DRP2: variants seen among roughly 807,000 people sequenced by gnomAD.
DRP2 encodes the protein dystrophin-related protein 2.
DRP2 carries 29 observed loss-of-function variants against 78.2 expected under a neutral mutation model. The observed-to-expected ratio is 0.37, with a 90% CI of 0.28 to 0.51. The LOEUF is 0.51. DRP2 is among the 20% of genes least tolerant of loss of function. DRP2 has a pLI of 0.94. For missense variants in DRP2, 686 were observed against 770.6 expected (o/e 0.89, Z 1.30); for synonymous variants, 290 against 281.9 (o/e 1.03, Z -0.29).
intron 6 of DRP2, among the ~76,000 whole-genome samples, chrX:101,240,477 C>T (rs1413673739): frequency 8.9e-6 from 1 of 112,661 alleles, no homozygotes; most frequent in African/African-American, 3.2e-5. Flanking sequence ...CTCAAGTGAT[C>T]GGCCTGCTTG....
intron 3 of DRP2, 94 bp downstream of exon 3, chrX:101,231,858 C>T: frequency 1.4e-6 from 1 of 733,170 alleles, no homozygotes; most frequent in East Asian, 3.2e-5. Context: ...GGCTCAGGGG[C>T]ACTCTCTGTA....
chrX:101,246,968 G>C (rs907966817), intron 11 of DRP2, 122 bp from the exon 12 acceptor site: 1 of 529,830 alleles, frequency 1.9e-6, no homozygotes, highest in South Asian at 3.4e-5. Flanking sequence ...CCCCACTCTT[G>C]TTGACACTTG....
In DRP2 at chrX:101,239,057, A is replaced by G; in HGVS notation, c.515A>G (p.Gln172Arg). ...VLESAQAFLSQHPFEELEEPH... is the reference protein window; with the variant it reads ...VLESAQAFLSRHPFEELEEPH... ...GAGTCAGCTCAGGCCTTCCTGTCCC[A>G]GCACCCATTTGAGGAGTTAGAGGAG... Residue 172 changes from glutamine (Q) to arginine (R), a missense_variant, in exon 6 of 24, where the codon CAG becomes CGG. Physicochemically the swap from Gln to Arg is conservative, Grantham distance 43. Around this residue, in one of 2 missense-constraint regions of DRP2, gnomAD observed 263 missense variants for 239.1 expected, o/e 1.10. Transcript: ENST00000395209. 3 of 1,211,435 alleles carry G rather than the reference A, an allele frequency of 2.5e-6. No individual in the cohort carries two copies. The highest frequency in any genetic ancestry group is 3.4e-6 in the Non-Finnish European group (3 of 895,342).
intron 1 of DRP2, among the ~76,000 whole-genome samples, chrX:101,224,207 T>TGTTTG (rs1569507520): frequency 2.4e-4 from 16 of 66,361 alleles, no homozygotes; most frequent in African/African-American, 8.6e-4. Flanking sequence ...TTTTTTTTTT[T>TGTTTG]TTTTTTTTTT....
chrX:101,243,201 C>T (rs1205144623), intron 9 of DRP2: 10 of 257,760 alleles, frequency 3.9e-5, no homozygotes, highest in South Asian at 1.1e-4. Flanking sequence ...CTGAGGTGGG[C>T]GGATCACCTG....
intron 2 of DRP2, among the ~76,000 whole-genome samples, chrX:101,231,335 C>T (rs1251154936): frequency 4.5e-5 from 5 of 111,999 alleles, no homozygotes; most frequent in African/African-American, 1.6e-4. Flanking sequence ...CCATCTTGCC[C>T]ACCTCCACCC....
At chrX:101,260,317 T>A in intron 23 of DRP2, 148 bp downstream of exon 23, 2 of 949,222 alleles carry the variant, frequency 2.1e-6, no homozygotes, top group Admixed American at 3.0e-5. Context: ...GATTGATTAA[T>A]TCATATGCTT....
chrX:101,229,518 A>G (rs971800284), intron 2 of DRP2, among the ~76,000 whole-genome samples: 5 of 111,905 alleles, frequency 4.5e-5, no homozygotes, highest in Non-Finnish European at 9.4e-5. Context: ...ATATCTTTAA[A>G]TGCATAAATG....
intron 18 of DRP2, 145 bp from the exon 19 acceptor site, chrX:101,254,714 T>C (rs950135111): frequency 1.9e-6 from 2 of 1,044,772 alleles, no homozygotes; most frequent in Admixed American, 4.7e-5. Flanking sequence ...ACCTGCACTC[T>C]GGCCTGAGAA....
chrX:101,248,557 A>G lies in DRP2; in HGVS notation c.1498A>G (p.Ile500Val), dbSNP rs147935188. ...KMRALSFKTGIACLCGTEVKE... is the reference protein window; with the variant it reads ...KMRALSFKTGVACLCGTEVKE... ...GCGGGCATTGTCTTTTAAGACTGGC[A>G]TTGCATGCTTGTGTGGCACGGAAGT... The change falls in exon 14 of 24, where the codon ATT (isoleucine) becomes GTT (valine). Residue 500 changes from isoleucine (I) to valine (V), a missense_variant. Ile to Val is a conservative substitution (Grantham distance 29, BLOSUM62 3). Coordinates refer to ENST00000395209, the MANE Select transcript of DRP2 (RefSeq NM_001939.3). The G allele has an allele frequency of 4.1e-6, 5 of 1,212,169 alleles. No homozygotes were observed. Among genetic ancestry groups the G allele is most frequent in the Non-Finnish European group, 5.6e-6 (5 of 895,563 alleles).
chrX:101,256,088 A>G, intron 20 of DRP2, 30 bp from the exon 21 acceptor site: 2 of 1,138,121 alleles, frequency 1.8e-6, no homozygotes, highest in Non-Finnish European at 2.3e-6. Flanking sequence ...ACAACTGGTC[A>G]CCTACTCTGC....
intron 7 of DRP2, 97 bp from the exon 8 acceptor site, chrX:101,242,228 C>G: frequency 7.1e-6 from 8 of 1,131,457 alleles, no homozygotes; most frequent in Non-Finnish European, 9.5e-6. Context: ...GTTATTGAAA[C>G]AAAACCTCTG....
intron 9 of DRP2, among the ~76,000 whole-genome samples, chrX:101,243,397 C>CA (rs768951598): frequency 0.062 from 1,785 of 28,896 alleles, 41 homozygotes; most frequent in Admixed American, 0.14. Flanking sequence ...AACTCCGTCT[C>CA]AAAAAAAAAA....
rs1288728678 is a variant in DRP2 at position 101,260,928 on chromosome X, G to T, written c.*307G>T. ...TATCACTTGGCCATTCAGATGGGGA[G>T]CAGAGAAGCTGCCTTGCAGAGCTAA... is the stretch of plus-strand genomic sequence containing the variant. On this transcript the variant is annotated 3_prime_UTR_variant, in exon 24 of 24. Coordinates refer to ENST00000395209, the MANE Select transcript of DRP2 (RefSeq NM_001939.3). The T allele has an allele frequency of 2.1e-5, 5 of 234,159 alleles. No individual in the cohort carries two copies. The highest frequency in any genetic ancestry group is 3.8e-5 in the Non-Finnish European group (5 of 132,258). 19.3% of individuals were successfully genotyped at this position (234,159 alleles called of 1,213,427 possible). A position where few individuals can be genotyped will look rare whatever the true frequency, so the allele number is the denominator to read the frequency against.
intron 9 of DRP2, 114 bp downstream of exon 9, chrX:101,243,096 G>A: frequency 1.5e-6 from 1 of 672,187 alleles, no homozygotes; most frequent in Non-Finnish European, 2.3e-6. Flanking sequence ...CATCCGAGAA[G>A]CAGTAAGGAT....
intron 1 of DRP2, among the ~76,000 whole-genome samples, chrX:101,223,189 C>T (rs886664847): frequency 9.0e-6 from 1 of 110,904 alleles, no homozygotes; most frequent in African/African-American, 3.3e-5. Context: ...TTCATAGAGA[C>T]AGGGTCCTGC....
chrX:101,232,980 A>G (rs1460692158), intron 3 of DRP2, among the ~76,000 whole-genome samples: 1 of 112,348 alleles, frequency 8.9e-6, no homozygotes, highest in Non-Finnish European at 1.9e-5. Flanking sequence ...TCAAAGATTC[A>G]GGGGATGGAT....
At chrX:101,245,139 T>C in intron 10 of DRP2, 62 bp downstream of exon 10, 1 of 1,077,765 alleles carries the variant, frequency 9.3e-7, no homozygotes, top group Admixed American at 2.3e-5. Context: ...CTCTCCTGCC[T>C]TTTTGCTACC....
chrX:101,244,923 A>G, intron 9 of DRP2, 94 bp from the exon 10 acceptor site: 1 of 864,000 alleles, frequency 1.2e-6, no homozygotes, highest in South Asian at 2.6e-5. Context: ...TTTGGGCTTG[A>G]CAACCTCTTT....
Sources: gnomAD v4.1 joint callset for allele counts (sites outside exome capture counted in the v4.1 genomes callset) on GRCh38, gnomAD v4.1.1 for gene constraint, gnomAD v4.1.1 regional missense constraint, MANE v1.5 for transcripts, NCBI Gene and HGNC (gene_info 2026-07-23, HGNC 2026-07-21) for gene names.